The following PSMD1 variants were observed in gnomAD, a reference collection of about 807,000 sequenced individuals.
The protein encoded by PSMD1 is 26S proteasome non-ATPase regulatory subunit 1.
Under a neutral mutation model 119.0 loss-of-function variants are expected in PSMD1, and 18 were observed. That is an observed-to-expected ratio of 0.15 (90% CI 0.10 to 0.22). The LOEUF is 0.22. Ranked by LOEUF, PSMD1 falls within the 10% of genes least tolerant of loss-of-function variation. The pLI is 1.00. For synonymous variants in PSMD1, 374 were observed against 396.6 expected (o/e 0.94, Z 0.68); for missense variants, 702 against 1,158.5 (o/e 0.61, Z 5.72).
intron 1 of PSMD1, among the ~76,000 whole-genome samples, chr2:231,059,634 T>C (rs866475288): frequency 1.3e-5 from 2 of 152,344 alleles, no homozygotes; most frequent in African/African-American, 4.8e-5. Flanking sequence ...CACTTTCCCT[T>C]TCCTGATCCC....
chr2:231,057,056 T>G lies in PSMD1; in HGVS notation c.16+15T>G. The G allele has an allele frequency of 1.3e-6, 2 of 1,517,696 alleles. No individual in the cohort carries two copies. Among genetic ancestry groups the G allele is most frequent in the South Asian group, 2.4e-5 (2 of 82,304 alleles). The allele number at this position is 1,517,696 out of a possible 1,614,324, so 94.0% of individuals were successfully genotyped here. A position where few individuals can be genotyped will look rare whatever the true frequency, so the allele number is the denominator to read the frequency against. On this transcript the variant is annotated intron_variant, in intron 1 of 24. Transcript: ENST00000308696. Reference sequence around the variant, plus strand: ...CACCTCGGCCGGTGAGTGCGGCCCGTAGCCAGCGCCTGGAGGGAGGAGCCG... The same window carrying G: ...CACCTCGGCCGGTGAGTGCGGCCCGGAGCCAGCGCCTGGAGGGAGGAGCCG...
In PSMD1 at chr2:231,138,767, T is replaced by C. The variant is rs1208568700; in HGVS notation, c.1915T>C (p.Leu639=). The stretch of plus-strand genomic sequence containing the variant: ...TGAACAGTGCCCAAGTGTTGTCTCT[T>C]TGTTGTCAGAGAGTTACAACCCTCA... ...TPEQCPSVVS[L]LSESYNPHVR... is the part of the protein sequence containing the mutation. The change falls in exon 17 of 25, where the codon TTG becomes CTG. Residue 639 remains leucine (L), a synonymous_variant. Coordinates refer to ENST00000308696, the MANE Select transcript of PSMD1 (RefSeq NM_002807.4). 6.2e-7 allele frequency: 1 copy of C among 1,614,168 alleles called. No homozygotes were observed. Among genetic ancestry groups the C allele is most frequent in the Non-Finnish European group, 8.5e-7 (1 of 1,179,998 alleles).
intron 16 of PSMD1, chr2:231,133,528 G>A (rs1365767795): frequency 6.6e-6 from 1 of 152,198 alleles, no homozygotes; most frequent in Non-Finnish European, 1.5e-5. Context: ...TTTGTCCATT[G>A]CACTTTGGAT....
At chr2:231,151,852 G>A (rs1309711140) in intron 18 of PSMD1, among the ~76,000 whole-genome samples, 1 of 119,380 alleles carries the variant, frequency 8.4e-6, no homozygotes, top group Non-Finnish European at 1.6e-5. Context: ...TGCTCTTGTC[G>A]CCCAGGCTGG....
intron 16 of PSMD1, chr2:231,113,798 G>A: frequency 6.2e-7 from 1 of 1,614,102 alleles, no homozygotes; most frequent in Non-Finnish European, 8.5e-7. Context: ...TGATTGGCCT[G>A]GATTGGCTTT....
chr2:231,164,376 C>G (rs1243682555), intron 21 of PSMD1, among the ~76,000 whole-genome samples: 2 of 152,114 alleles, frequency 1.3e-5, no homozygotes, highest in Non-Finnish European at 2.9e-5. Flanking sequence ...GAGGACACTC[C>G]TGTATTAAAG....
intron 16 of PSMD1, among the ~76,000 whole-genome samples, chr2:231,106,099 C>A (rs1410315792): frequency 7.1e-6 from 1 of 141,622 alleles, no homozygotes; most frequent in African/African-American, 2.6e-5. Context: ...AACTGGAGTT[C>A]TTTTGTTACG....
In PSMD1 at chr2:231,072,271, A is replaced by G; in HGVS notation, c.737A>G (p.Tyr246Cys). ...AAGGAAGACAACCTCCTGATGGCATATCAGATTTGTTTTGATTTGTATGAA... is the reference window on the plus strand; with the variant it reads ...AAGGAAGACAACCTCCTGATGGCATGTCAGATTTGTTTTGATTTGTATGAA... ...LVKEDNLLMA[Y>C]QICFDLYESA... Residue 246 changes from tyrosine to cysteine, a missense_variant, in exon 7 of 25, where the codon TAT (tyrosine) becomes TGT (cysteine). Tyr to Cys is a radical substitution (Grantham distance 194). Transcript: ENST00000308696. The G allele has an allele frequency of 6.2e-7, 1 of 1,613,972 alleles. No homozygotes were observed. Among genetic ancestry groups the G allele is most frequent in the South Asian group, 1.1e-5 (1 of 91,078 alleles).
At position 231,079,641 on chromosome 2, in the gene PSMD1, G is replaced by C. The variant is rs755702981; in HGVS notation, c.1239+27G>C. ...TAATATATATTGGTCAGTGTATACA[G>C]GCATCAGAAAAGAAGTAATTTTTCT... On this transcript the variant is annotated intron_variant, in intron 11 of 24. Coordinates refer to ENST00000308696, the MANE Select transcript of PSMD1 (RefSeq NM_002807.4). 4.9e-6 allele frequency: 7 copies of C among 1,419,690 alleles called. No homozygotes were observed. In the Admixed American group the frequency reaches 1.6e-4, roughly 33 times the overall value. The allele number at this position is 1,419,690 out of a possible 1,614,324, so 87.9% of individuals were successfully genotyped here.
chr2:231,120,598 G>T (rs1695506051), intron 16 of PSMD1, among the ~76,000 whole-genome samples: 1 of 152,180 alleles, frequency 6.6e-6, no homozygotes, highest in African/African-American at 2.4e-5. Flanking sequence ...ACCGTATATT[G>T]TTAAATATTA....
chr2:231,080,227 T>C lies in PSMD1; in HGVS notation c.1326T>C (p.Gly442=). Residue 442 remains glycine, a synonymous_variant, in exon 12 of 25, where the codon GGT becomes GGC. Coordinates refer to ENST00000308696, the MANE Select transcript of PSMD1 (RefSeq NM_002807.4). ...SPGSAYQEGG[G]LYALGLIHAN... ...GATCAGCCTATCAGGAAGGTGGAGG[T>C]CTCTATGCACTAGGTCTTATTCATG... The C allele has an allele frequency of 6.2e-7, 1 of 1,612,958 alleles. No individual in the cohort carries two copies. The highest frequency in any genetic ancestry group is 8.5e-7 in the Non-Finnish European group (1 of 1,179,038).
chr2:231,083,620 C>G lies in PSMD1; in HGVS notation c.1579C>G (p.Gln527Glu). 1 of 1,614,194 alleles carries G rather than the reference C, an allele frequency of 6.2e-7. No homozygotes were observed. The highest frequency in any genetic ancestry group is 8.5e-7 in the Non-Finnish European group (1 of 1,180,026). Residue 527 changes from glutamine (Q) to glutamate (E), a missense_variant, in exon 14 of 25, where the codon CAG (glutamine) becomes GAG (glutamate). Physicochemically the swap from Gln to Glu is conservative, Grantham distance 29. Around this residue, in one of 9 missense-constraint regions of PSMD1, gnomAD observed 272 missense variants for 511.6 expected, o/e 0.53. Coordinates refer to ENST00000308696, the MANE Select transcript of PSMD1 (RefSeq NM_002807.4). ...GGTTATGTTGGGCTCTAAAAATGCT[C>G]AGGCTATTGAGGACATGGTTGGTTA... ...GLVMLGSKNAQAIEDMVGYAQ... is the reference protein window; with the variant it reads ...GLVMLGSKNAEAIEDMVGYAQ...
chr2:231,059,746 T>C (rs2125149086), intron 1 of PSMD1, among the ~76,000 whole-genome samples: 1 of 152,248 alleles, frequency 6.6e-6, no homozygotes, highest in East Asian at 1.9e-4. Context: ...TCAACAGTTT[T>C]AGACCAATAT....
At chr2:231,096,410 T>C (rs951166538) in intron 16 of PSMD1, among the ~76,000 whole-genome samples, 5 of 152,158 alleles carry the variant, frequency 3.3e-5, no homozygotes, top group Non-Finnish European at 5.9e-5. Context: ...CACTTCTGTG[T>C]ATAGCAGGAC....
At chr2:231,109,015 A>C in intron 16 of PSMD1, 2 of 1,614,222 alleles carry the variant, frequency 1.2e-6, no homozygotes, top group Non-Finnish European at 1.7e-6. Flanking sequence ...GTTCGTTGGA[A>C]ATGGTCTGCA....
chr2:231,078,775 G>C (rs751288243), intron 10 of PSMD1, 28 bp downstream of exon 10: 3 of 1,039,986 alleles, frequency 2.9e-6, no homozygotes, highest in Non-Finnish European at 4.1e-6. Context: ...TTTTCACTTT[G>C]GTTCAAAATC....
Position 231,164,885 on chromosome 2 carries a change from C to A in PSMD1, c.2482-315C>A, listed in dbSNP as rs6726141. On this transcript the variant is annotated intron_variant, in intron 21 of 24. Coordinates refer to ENST00000308696, the MANE Select transcript of PSMD1 (RefSeq NM_002807.4). ...GAAGTACATGAGAGCAAATTCATAT[C>A]CAAGGTAGGCTACAGATCAAAAAAA... The A allele has an allele frequency of 7.6e-3, 1,190 of 156,760 alleles. 23 individuals carry two copies. The highest frequency in any genetic ancestry group is 0.027 in the African/African-American group (1,144 of 41,610). 9.7% of individuals were successfully genotyped at this position (156,760 alleles called of 1,614,324 possible).
intron 12 of PSMD1, among the ~76,000 whole-genome samples, chr2:231,082,039 A>G (rs1007398836): frequency 2.6e-5 from 4 of 152,034 alleles, no homozygotes; most frequent in African/African-American, 7.2e-5. Context: ...TCTCACGTTC[A>G]TTTCACAACT....
intron 16 of PSMD1, chr2:231,109,017 T>G: frequency 6.2e-7 from 1 of 1,614,206 alleles, no homozygotes. Flanking sequence ...TCGTTGGAAA[T>G]GGTCTGCACT....
Sources: allele counts gnomAD v4.1 joint callset (sites outside exome capture counted in the v4.1 genomes callset), GRCh38; gene constraint gnomAD v4.1.1; regional missense constraint gnomAD v4.1.1; transcripts MANE v1.5; gene names NCBI Gene and HGNC (gene_info 2026-07-23, HGNC 2026-07-21).